Variants in USP26 observed in about 807,000 individuals in gnomAD.
USP26 encodes the protein ubiquitin specific peptidase 26.
For missense variants in USP26, 649 were observed against 642.3 expected (o/e 1.01, Z -0.11); for synonymous variants, 236 against 240.6 (o/e 0.98, Z 0.18).
intron 1 of USP26, among the ~76,000 whole-genome samples, chrX:133,094,024 G>T (rs1251774440): frequency 1.1e-5 from 1 of 88,553 alleles, no homozygotes; most frequent in African/African-American, 4.1e-5. Flanking sequence ...CCAGGCCAAA[G>T]ACTAATAAGT....
chrX:133,091,458 A>C lies in USP26; in HGVS notation c.-392-15T>G, dbSNP rs1177205465. The C allele has an allele frequency of 8.9e-6, 1 of 112,382 alleles. No individual in the cohort carries two copies. The highest frequency in any genetic ancestry group is 1.9e-5 in the Non-Finnish European group (1 of 53,338). The allele number at this position is 112,382 out of a possible 1,213,427, so 9.3% of individuals were successfully genotyped here. The stretch of plus-strand genomic sequence containing the variant: ...GCTGTCTCTTACTGGTTTTCCAAAA[A>C]ATAGAAATAAAGATCAGAACTTTGG... On this transcript the variant is annotated splice_polypyrimidine_tract_variant and intron_variant, in intron 1 of 5. Coordinates refer to ENST00000511190, the MANE Select transcript of USP26 (RefSeq NM_031907.3).
intron 5 of USP26, among the ~76,000 whole-genome samples, chrX:133,060,549 G>A (rs1021559272): frequency 1.8e-5 from 2 of 111,056 alleles, no homozygotes; most frequent in Non-Finnish European, 3.8e-5. Flanking sequence ...AGTCCAGGAG[G>A]CACTGCTGTG....
At chrX:133,061,230 C>T (rs2067493279) in intron 5 of USP26, among the ~76,000 whole-genome samples, 1 of 112,257 alleles carries the variant, frequency 8.9e-6, no homozygotes, top group African/African-American at 3.2e-5. Flanking sequence ...AATGATTTCT[C>T]AAGTCCTAAG....
At position 133,028,154 on chromosome X, in the gene USP26, T is replaced by C; in HGVS notation, c.67A>G (p.Lys23Glu). 1 of 1,211,061 alleles carries C rather than the reference T, an allele frequency of 8.3e-7. No individual in the cohort carries two copies. Among genetic ancestry groups the C allele is most frequent in the Non-Finnish European group, 1.1e-6 (1 of 894,819 alleles). Residue 23 changes from lysine (K) to glutamate (E), a missense_variant, in exon 6 of 6, where the codon AAA becomes GAA. Coordinates refer to ENST00000511190, the MANE Select transcript of USP26 (RefSeq NM_031907.3). ...GNCKTGISKS[K>E]EAFIEAVERK... ...TCCACTGCTTCAATGAATGCTTCTT[T>C]TGACTTAGATATCCCAGTCTTGCAG...
chrX:133,035,386 T>G (rs914207637), intron 5 of USP26, among the ~76,000 whole-genome samples: 1 of 111,971 alleles, frequency 8.9e-6, no homozygotes, highest in Non-Finnish European at 1.9e-5. Context: ...AAAGATTAGC[T>G]GGAGACCTCA....
chrX:133,025,362 G>T lies in USP26; in HGVS notation c.*117C>A. 9.1e-7 allele frequency: 1 copy of T among 1,101,651 alleles called. No individual in the cohort carries two copies. Among genetic ancestry groups the T allele is most frequent in the Non-Finnish European group, 1.2e-6 (1 of 820,766 alleles). 90.8% of individuals were successfully genotyped at this position (1,101,651 alleles called of 1,213,427 possible). On this transcript the variant is annotated 3_prime_UTR_variant, in exon 6 of 6. Transcript: ENST00000511190. ...CATTAAGTGTTTCTGTTTGACCTTT[G>T]GTCCTAGACTAATTGCATTTTCATC...
In USP26 at chrX:133,026,820, G is replaced by A. The variant is rs1431733313; in HGVS notation, c.1401C>T (p.Asn467=). ...GATGTGCTTTTATTCTTTGGGGAAGGTTGATGGAGAGGTAATTATTCAGTT... is the reference window on the plus strand; with the variant it reads ...GATGTGCTTTTATTCTTTGGGGAAGATTGATGGAGAGGTAATTATTCAGTT... ...KTELNNYLSI[N]LPQRIKAHPS... Residue 467 remains asparagine (N), a synonymous_variant, in exon 6 of 6, where the codon AAC becomes AAT. Transcript: ENST00000511190. 2 of 1,209,139 alleles carry A rather than the reference G, an allele frequency of 1.7e-6. No individual in the cohort carries two copies. Among genetic ancestry groups the A allele is most frequent in the African/African-American group, 1.8e-5 (1 of 57,038 alleles).
chrX:133,061,765 C>T (rs1293389754), intron 5 of USP26, among the ~76,000 whole-genome samples: 4 of 111,690 alleles, frequency 3.6e-5, no homozygotes, highest in Non-Finnish European at 1.9e-5. Context: ...CTAGACACTA[C>T]ACTTTTCCCA....
chrX:133,039,085 T>C (rs1776040414), intron 5 of USP26, among the ~76,000 whole-genome samples: 1 of 111,612 alleles, frequency 9.0e-6, no homozygotes, highest in Non-Finnish European at 1.9e-5. Context: ...TTGGTCTACC[T>C]ATTTTTGTTA....
chrX:133,096,287 G>A (rs2067630264), intron 1 of USP26, among the ~76,000 whole-genome samples: 1 of 108,999 alleles, frequency 9.2e-6, no homozygotes, highest in Non-Finnish European at 1.9e-5. Context: ...CACTCTTCGT[G>A]GAATACAATT....
rs147026009 is a variant in USP26, at chrX:133,091,818, C to T, written c.-392-375G>A. Among the ~76,000 whole-genome samples the T allele has an allele frequency of 6.4e-3, 712 of 111,907 alleles. 5 individuals carry two copies. Among genetic ancestry groups the T allele is most frequent in the African/African-American group, 0.022 (677 of 30,851 alleles). On this transcript the variant is annotated intron_variant, in intron 1 of 5. Coordinates refer to ENST00000511190, the MANE Select transcript of USP26 (RefSeq NM_031907.3). ...TCACACAATGTAAGGACACCCTGAA[C>T]TTGTCTAGGTGATCTTGACAATTGA... is the stretch of plus-strand genomic sequence containing the variant.
At chrX:133,032,966 C>T (rs776877922) in intron 5 of USP26, among the ~76,000 whole-genome samples, 1 of 111,233 alleles carries the variant, frequency 9.0e-6, no homozygotes, top group African/African-American at 3.3e-5. Flanking sequence ...TTCTTCTATT[C>T]ATTCTCATCC....
At chrX:133,075,198 A>G in intron 5 of USP26, among the ~76,000 whole-genome samples, 1 of 111,627 alleles carries the variant, frequency 9.0e-6, no homozygotes, top group Non-Finnish European at 1.9e-5. Context: ...GCACCCCACC[A>G]TTAAGATTTT....
intron 5 of USP26, among the ~76,000 whole-genome samples, chrX:133,067,528 G>A (rs746823841): frequency 2.0e-4 from 23 of 112,609 alleles, no homozygotes; most frequent in African/African-American, 6.8e-4. Flanking sequence ...ATATAGCCAT[G>A]GAATACTATG....
chrX:133,062,313 C>T (rs1485335264), intron 5 of USP26, among the ~76,000 whole-genome samples: 1 of 111,948 alleles, frequency 8.9e-6, no homozygotes. Context: ...GCTGTGGGCA[C>T]AGCTTCAGCT....
intron 5 of USP26, among the ~76,000 whole-genome samples, chrX:133,061,169 A>T (rs925950293): frequency 8.9e-6 from 1 of 112,090 alleles, no homozygotes; most frequent in Non-Finnish European, 1.9e-5. Context: ...ACATGTTAAA[A>T]AAAAGAAAGA....
chrX:133,096,416 C>G (rs1000004255), intron 1 of USP26, among the ~76,000 whole-genome samples: 1 of 111,120 alleles, frequency 9.0e-6, no homozygotes, highest in African/African-American at 3.3e-5. Context: ...TTTTAAACAC[C>G]AGAAAACTTT....
At chrX:133,042,719 T>C (rs2148528512) in intron 5 of USP26, among the ~76,000 whole-genome samples, 1 of 112,406 alleles carries the variant, frequency 8.9e-6, no homozygotes, top group South Asian at 3.7e-4. Flanking sequence ...ACTGCCACTT[T>C]TTTGGCAAGC....
At chrX:133,083,605 T>C (rs17000402) in intron 5 of USP26, 102 bp downstream of exon 5, 1,514 of 111,666 alleles carry the variant, frequency 0.014, 19 homozygotes, top group Admixed American at 0.022. Context: ...TTAACACTCA[T>C]ATAGGCTGTG....
Sources: gnomAD v4.1 joint callset for allele counts (sites outside exome capture counted in the v4.1 genomes callset) on GRCh38, gnomAD v4.1.1 for gene constraint, MANE v1.5 for transcripts, NCBI Gene and HGNC (gene_info 2026-07-23, HGNC 2026-07-21) for gene names.